The following TCEANC2 variants were observed in gnomAD, a reference collection of about 807,000 sequenced individuals.
TCEANC2 encodes the protein transcription elongation factor A N-terminal and central domain containing 2.
TCEANC2 carries 20 observed loss-of-function variants against 22.8 expected under a neutral mutation model. That is an observed-to-expected ratio of 0.88 (90% CI 0.62 to 1.28). The LOEUF is 1.28. TCEANC2 is among the 50% of genes most tolerant of loss of function. The pLI is 0.00. For synonymous variants in TCEANC2, 84 were observed against 95.5 expected, an observed-to-expected ratio of 0.88 and a Z score of 0.70; for missense variants, 251 against 249.7, an observed-to-expected ratio of 1.01 and a Z score of -0.03.
intron 2 of TCEANC2, among the ~76,000 whole-genome samples, chr1:54,058,784 G>A (rs906388761): frequency 2.6e-5 from 4 of 152,038 alleles, no homozygotes; most frequent in African/African-American, 9.7e-5. Flanking sequence ...AGCCTCCCAA[G>A]TAGCTAAGAC....
chr1:54,073,590 A>G (rs1658096365), intron 3 of TCEANC2, among the ~76,000 whole-genome samples: 1 of 152,160 alleles, frequency 6.6e-6, no homozygotes, highest in African/African-American at 2.4e-5. Context: ...TACTGCAGTG[A>G]AAGAGTAGCT....
At chr1:54,054,223 G>C in intron 1 of TCEANC2, 158 bp from the exon 2 acceptor site, 1 of 1,438,490 alleles carries the variant, frequency 7.0e-7, no homozygotes, top group Middle Eastern at 1.8e-4. Context: ...TTCTTCGGAA[G>C]ATCTTTCTTT....
intron 3 of TCEANC2, among the ~76,000 whole-genome samples, chr1:54,079,699 A>G (rs769651025): frequency 6.6e-6 from 1 of 152,156 alleles, no homozygotes; most frequent in Non-Finnish European, 1.5e-5. Flanking sequence ...AAGCCAGGCT[A>G]ATTTCTCCAT....
At chr1:54,065,721 A>G (rs539500731) in intron 2 of TCEANC2, among the ~76,000 whole-genome samples, 1 of 150,392 alleles carries the variant, frequency 6.6e-6, no homozygotes, top group Admixed American at 6.6e-5. Flanking sequence ...TCAAAAATAT[A>G]TATATATATA....
At chr1:54,092,631 G>A (rs1002784126) in intron 4 of TCEANC2, among the ~76,000 whole-genome samples, 22 of 152,200 alleles carry the variant, frequency 1.4e-4, no homozygotes, top group African/African-American at 5.1e-4. Context: ...ATACAACATG[G>A]TTTCAACTCT....
intron 2 of TCEANC2, among the ~76,000 whole-genome samples, chr1:54,061,335 TATG>T (rs1242148796): frequency 6.6e-6 from 1 of 152,186 alleles, no homozygotes; most frequent in African/African-American, 2.4e-5. Context: ...GCATGATTAT[TATG>T]AGAGTGAAAT....
intron 4 of TCEANC2, among the ~76,000 whole-genome samples, chr1:54,091,166 C>G (rs1423476860): frequency 1.4e-5 from 2 of 147,422 alleles, no homozygotes; most frequent in African/African-American, 5.0e-5. Flanking sequence ...AAAAAAAAAT[C>G]ACTCTGCTTT....
rs1658591657 is a variant in TCEANC2 at position 54,097,964 on chromosome 1, T to C, written c.*1491T>C. 1 of 152,246 alleles carries C rather than the reference T, an allele frequency of 6.6e-6. No homozygotes were observed. The highest frequency in any genetic ancestry group is 1.5e-5 in the Non-Finnish European group (1 of 68,046). 9.4% of individuals were successfully genotyped at this position (152,246 alleles called of 1,614,324 possible). On this transcript the variant is annotated 3_prime_UTR_variant, in exon 5 of 5. Coordinates refer to ENST00000234827, the MANE Select transcript of TCEANC2 (RefSeq NM_153035.3). ...AAAAGTGAGGCTCAGAAAGGTATAG[T>C]AACTTACTCAAGGTCACGCAGATAG...
intron 4 of TCEANC2, among the ~76,000 whole-genome samples, chr1:54,093,978 A>G (rs1658495859): frequency 6.6e-6 from 1 of 152,184 alleles, no homozygotes; most frequent in African/African-American, 2.4e-5. Flanking sequence ...CCAGCTTCCT[A>G]AAGTAGTCTG....
At chr1:54,081,874 C>T (rs780463013) in intron 3 of TCEANC2, among the ~76,000 whole-genome samples, 12 of 152,138 alleles carry the variant, frequency 7.9e-5, no homozygotes, top group African/African-American at 2.4e-4. Flanking sequence ...CTCCACTGTC[C>T]GGACCTGAGA....
At position 54,096,705 on chromosome 1, in the gene TCEANC2, TCA is replaced by T. The variant is rs1658563386; in HGVS notation, c.*234_*235del. 2 of 1,230,816 alleles carry T rather than the reference TCA, an allele frequency of 1.6e-6. No individual in the cohort carries two copies. The highest frequency in any genetic ancestry group is 2.1e-6 in the Non-Finnish European group (2 of 968,348). 76.2% of individuals were successfully genotyped at this position (1,230,816 alleles called of 1,614,324 possible). ...TGCCTAACAGAACGCACACTGGCTG[TCA>T]CTAGGAAGCGCCATACGGTTGCTAT... is the stretch of plus-strand genomic sequence containing the variant. On this transcript the variant is annotated 3_prime_UTR_variant, in exon 5 of 5. Coordinates refer to ENST00000234827, the MANE Select transcript of TCEANC2 (RefSeq NM_153035.3). This position sits in a 1 kb window ranked among gnomAD's most constrained non-coding sequence, Gnocchi z 4.9.
downstream of TCEANC2, among the ~76,000 whole-genome samples, chr1:54,106,868 T>A (rs1419946813): frequency 6.6e-6 from 1 of 152,206 alleles, no homozygotes; most frequent in African/African-American, 2.4e-5. Context: ...CTGATTTTTT[T>A]AAATAAACTT....
At chr1:54,064,450 A>C (rs544654368) in intron 2 of TCEANC2, among the ~76,000 whole-genome samples, 5 of 152,160 alleles carry the variant, frequency 3.3e-5, no homozygotes, top group Non-Finnish European at 7.3e-5. Context: ...GAATAGTTTG[A>C]ATACCCTCTA....
chr1:54,076,028 C>CA (rs540752255), intron 3 of TCEANC2, among the ~76,000 whole-genome samples: 13,463 of 123,614 alleles, frequency 0.11, 1,408 homozygotes, highest in African/African-American at 0.29. Flanking sequence ...AACTTGTCTC[C>CA]AAAAAAAAAA....
At chr1:54,087,358 C>T (rs995754345) in intron 3 of TCEANC2, among the ~76,000 whole-genome samples, 2 of 152,304 alleles carry the variant, frequency 1.3e-5, no homozygotes, top group Non-Finnish European at 2.9e-5. Context: ...AACTAACTCT[C>T]ATATGCCCTT....
At position 54,099,143 on chromosome 1, in the gene TCEANC2, A is replaced by G. The variant is rs1175752720; in HGVS notation, c.*2670A>G. 1 of 152,302 alleles carries G rather than the reference A, an allele frequency of 6.6e-6. No homozygotes were observed. The highest frequency in any genetic ancestry group is 1.5e-5 in the Non-Finnish European group (1 of 68,064). 9.4% of individuals were successfully genotyped at this position (152,302 alleles called of 1,614,324 possible). On this transcript the variant is annotated 3_prime_UTR_variant, in exon 5 of 5. Transcript: ENST00000234827. ...AGGGAGACAGGAAGTAGCAAGCTTC[A>G]TGTTTAAAGAACCAAAGAGTTCTGC...
chr1:54,070,694 A>G (rs1658040343), intron 3 of TCEANC2, among the ~76,000 whole-genome samples: 1 of 152,188 alleles, frequency 6.6e-6, no homozygotes, highest in African/African-American at 2.4e-5. Flanking sequence ...TGAAGATTTC[A>G]TTTGGATCAT....
At chr1:54,083,430 C>T (rs1404476975) in intron 3 of TCEANC2, among the ~76,000 whole-genome samples, 1 of 152,244 alleles carries the variant, frequency 6.6e-6, no homozygotes, top group African/African-American at 2.4e-5. Context: ...AGAAGAGACT[C>T]AGTAACAGGT....
At chr1:54,067,355 C>T (rs772873334) in intron 2 of TCEANC2, among the ~76,000 whole-genome samples, 14 of 152,066 alleles carry the variant, frequency 9.2e-5, no homozygotes, top group Non-Finnish European at 1.3e-4. Flanking sequence ...ACTGGGGAAG[C>T]GGGAGGACTT....
Sources: gnomAD v4.1 joint callset for allele counts (sites outside exome capture counted in the v4.1 genomes callset) on GRCh38, gnomAD v4.1.1 for gene constraint, Gnocchi (gnomAD v3.1) non-coding constraint, MANE v1.5 for transcripts, NCBI Gene and HGNC (gene_info 2026-07-23, HGNC 2026-07-21) for gene names.